FRMPD4: variants seen among roughly 807,000 people sequenced by gnomAD.
The protein encoded by FRMPD4 is FERM and PDZ domain containing 4, also known as FERM and PDZ domain-containing protein 4.
Under a neutral mutation model 94.1 loss-of-function variants are expected in FRMPD4, and 22 were observed. The observed-to-expected ratio is 0.23, with a 90% CI of 0.17 to 0.33. The LOEUF (loss-of-function observed/expected upper bound fraction) is 0.33, where lower values mean the gene tolerates loss of function less well. FRMPD4 is among the 10% of genes least tolerant of loss of function. FRMPD4 has a pLI of 1.00. For missense variants in FRMPD4, 1,111 were observed against 1,339.9 expected, an observed-to-expected ratio of 0.83 and a Z score of 2.67; for synonymous variants, 631 against 548.6, an observed-to-expected ratio of 1.15 and a Z score of -2.10.
chrX:12,663,090 T>G (rs1475299973), intron 4 of FRMPD4, among the ~76,000 whole-genome samples: 2 of 112,573 alleles, frequency 1.8e-5, no homozygotes, highest in African/African-American at 6.5e-5. Flanking sequence ...TCCTTATAGA[T>G]TCTGGATATT....
chrX:11,837,906 T>G (rs980163388), intron 1 of FRMPD4, among the ~76,000 whole-genome samples: 1 of 111,536 alleles, frequency 9.0e-6, no homozygotes, highest in African/African-American at 3.3e-5. Context: ...ATTAAATCAT[T>G]AAGAATCTAG....
intron 1 of FRMPD4, among the ~76,000 whole-genome samples, chrX:12,139,245 A>G (rs776199319): frequency 1.1e-3 from 117 of 110,838 alleles, no homozygotes; most frequent in African/African-American, 3.6e-3. Flanking sequence ...TCACCAACAC[A>G]CCGACATTCA....
chrX:12,062,705 CTT>C (rs1310470284), intron 3 of FRMPD4, among the ~76,000 whole-genome samples: 1 of 111,053 alleles, frequency 9.0e-6, no homozygotes, highest in East Asian at 2.8e-4. Context: ...GTCAAAAACT[CTT>C]TTATTTTTTT....
At chrX:12,145,135 G>A (rs1272813070) in intron 1 of FRMPD4, among the ~76,000 whole-genome samples, 1 of 111,721 alleles carries the variant, frequency 9.0e-6, no homozygotes, top group Non-Finnish European at 1.9e-5. Flanking sequence ...CAAAGATGAG[G>A]TTCAAAGAAA....
At chrX:12,495,109 G>A in intron 1 of FRMPD4, 1 of 341,245 alleles carries the variant, frequency 2.9e-6, no homozygotes, top group Non-Finnish European at 3.8e-6. Flanking sequence ...CTTGAGAATG[G>A]CTGAACTCAT....
Position 12,716,884 on chromosome X carries a change from G to T in FRMPD4, c.2425G>T (p.Ala809Ser). 1 of 1,210,851 alleles carries T rather than the reference G, an allele frequency of 8.3e-7. No homozygotes were observed. The highest frequency in any genetic ancestry group is 1.1e-6 in the Non-Finnish European group (1 of 894,646). The change falls in exon 15 of 17, where the codon GCA becomes TCA. Residue 809 changes from alanine (A) to serine (S), a missense_variant. By Grantham distance (99) the Ala-to-Ser change is moderately conservative (BLOSUM62 1). Coordinates refer to ENST00000675598, the MANE Select transcript of FRMPD4 (RefSeq NM_001368397.1). ...LLRSLNMAIA[A>S]PPPGFRDSSD... Reference sequence around the variant, plus strand: ...GCGTTCCTTGAACATGGCCATTGCCGCACCCCCACCTGGCTTTAGAGACAG... The same window carrying T: ...GCGTTCCTTGAACATGGCCATTGCCTCACCCCCACCTGGCTTTAGAGACAG...
chrX:11,914,346 C>T (rs2054012934), intron 3 of FRMPD4, among the ~76,000 whole-genome samples: 2 of 102,328 alleles, frequency 2.0e-5, no homozygotes, highest in South Asian at 9.0e-4. Flanking sequence ...TAACAGAATA[C>T]CACCTCATCT....
intron 1 of FRMPD4, among the ~76,000 whole-genome samples, chrX:12,340,968 G>A (rs2055604239): frequency 8.9e-6 from 1 of 111,938 alleles, no homozygotes; most frequent in African/African-American, 3.3e-5. Flanking sequence ...AGTGAGGACT[G>A]GGAGTCTCTT....
intron 3 of FRMPD4, among the ~76,000 whole-genome samples, chrX:11,907,061 A>G (rs1171168285): frequency 9.0e-6 from 1 of 111,018 alleles, no homozygotes; most frequent in Non-Finnish European, 1.9e-5. Context: ...GTTATTTTTA[A>G]TATTTAATAT....
intron 2 of FRMPD4, among the ~76,000 whole-genome samples, chrX:12,499,529 C>T (rs1377281465): frequency 8.9e-6 from 1 of 112,048 alleles, no homozygotes; most frequent in Non-Finnish European, 1.9e-5. Flanking sequence ...GCCAGTTCCT[C>T]CCTCCCCTTA....
intron 3 of FRMPD4, among the ~76,000 whole-genome samples, chrX:12,129,174 C>G (rs1258019214): frequency 8.9e-6 from 1 of 111,876 alleles, no homozygotes; most frequent in Non-Finnish European, 1.9e-5. Flanking sequence ...CTGTATTAGT[C>G]CATTCTCATG....
At chrX:12,256,872 T>A in intron 1 of FRMPD4, among the ~76,000 whole-genome samples, 1 of 112,067 alleles carries the variant, frequency 8.9e-6, no homozygotes, top group Non-Finnish European at 1.9e-5. Flanking sequence ...CATTGTACAT[T>A]ATTCCACAAT....
chrX:12,545,536 C>T (rs2058465369), intron 2 of FRMPD4, among the ~76,000 whole-genome samples: 1 of 112,703 alleles, frequency 8.9e-6, no homozygotes, highest in Non-Finnish European at 1.9e-5. Flanking sequence ...GAACCAAGTA[C>T]AAAAAGAAAA....
At position 12,662,761 on chromosome X, in the gene FRMPD4, C is replaced by T. The variant is rs751142879; in HGVS notation, c.423-12102C>T. ...CAAATGGTATTTCTGGTTCCATATC[C>T]TTGAGGAATTGCCACACTGTCTTCC... is the stretch of plus-strand genomic sequence containing the variant. On this transcript the variant is annotated intron_variant, in intron 4 of 16. Coordinates refer to ENST00000675598, the MANE Select transcript of FRMPD4 (RefSeq NM_001368397.1). Among the ~76,000 whole-genome samples, 7 of 112,016 alleles carry T rather than the reference C, an allele frequency of 6.2e-5. No homozygotes were observed. The East Asian group carries it at 1.4e-3, about 22-fold the overall frequency.
rs2054877119 is a variant in FRMPD4, at chrX:12,060,216, C to T, written c.95+182198C>T. Among the ~76,000 whole-genome samples the T allele has an allele frequency of 2.7e-5, 3 of 109,849 alleles. No homozygotes were observed. In the South Asian group the frequency reaches 1.2e-3, roughly 43 times the overall value. ...CAGTGGCTGAACTAATTTATATTCT[C>T]ACCAACAGTGTATAAACGTTCCCTT... On this transcript the variant is annotated intron_variant, in intron 3 of 18. Coordinates refer to the FRMPD4 transcript ENST00000640291.
At chrX:12,413,314 G>C (rs1310241277) in intron 1 of FRMPD4, among the ~76,000 whole-genome samples, 2 of 111,863 alleles carry the variant, frequency 1.8e-5, no homozygotes, top group African/African-American at 6.5e-5. Flanking sequence ...ATGGTAGCTG[G>C]CTGGATAATC....
At chrX:12,455,015 A>G (rs896488092) in intron 1 of FRMPD4, among the ~76,000 whole-genome samples, 1 of 110,782 alleles carries the variant, frequency 9.0e-6, no homozygotes, top group Non-Finnish European at 1.9e-5. Context: ...AACAATTACC[A>G]TATAGCCATT....
At chrX:12,453,221 T>G (rs2057293168) in intron 1 of FRMPD4, among the ~76,000 whole-genome samples, 1 of 111,240 alleles carries the variant, frequency 9.0e-6, no homozygotes, top group Non-Finnish European at 1.9e-5. Context: ...AGGAGAGAAT[T>G]ACGCCTCAGC....
intron 3 of FRMPD4, among the ~76,000 whole-genome samples, chrX:11,929,836 G>A (rs1007062333): frequency 1.1e-4 from 12 of 110,543 alleles, no homozygotes; most frequent in Non-Finnish European, 1.7e-4. Flanking sequence ...AGCCGGGTGC[G>A]GTGGCTCACA....
Sources: allele counts gnomAD v4.1 joint callset (sites outside exome capture counted in the v4.1 genomes callset), GRCh38; gene constraint gnomAD v4.1.1; transcripts MANE v1.5; gene names NCBI Gene and HGNC (gene_info 2026-07-23, HGNC 2026-07-21).